SMC1B: variants seen among roughly 807,000 people sequenced by gnomAD.
SMC1B encodes the protein structural maintenance of chromosomes protein 1B.
A neutral mutation model predicts 157.9 loss-of-function variants in SMC1B; 60 were observed. That is an observed-to-expected ratio of 0.38 (90% CI 0.31 to 0.47). SMC1B has a LOEUF of 0.47. Among genes scored for constraint, SMC1B ranks in the 20% least tolerant of loss-of-function variants. SMC1B has a pLI of 0.99. For missense variants in SMC1B, 1,165 were observed against 1,426.2 expected (o/e 0.82, Z 2.95); for synonymous variants, 445 against 483.0 (o/e 0.92, Z 1.03).
chr22:45,398,340 A>G (rs1393971091), intron 6 of SMC1B, among the ~76,000 whole-genome samples: 4 of 152,016 alleles, frequency 2.6e-5, no homozygotes, highest in Non-Finnish European at 5.9e-5. Flanking sequence ...TGGAAACTAA[A>G]CTTGCTCGCT....
Position 45,394,571 on chromosome 22 carries a change from G to A in SMC1B, c.1337+114C>T. On this transcript the variant is annotated intron_variant, in intron 8 of 24. Transcript: ENST00000357450. ...GCGTCATGTGAGCCCCGGAAGTTGA[G>A]GCTACCGTAAGCCATGACTGCGCCA... 3.2e-6 allele frequency: 4 copies of A among 1,231,420 alleles called. No homozygotes were observed. In the South Asian group the frequency reaches 8.6e-5, roughly 27 times the overall value. 76.3% of individuals were successfully genotyped at this position (1,231,420 alleles called of 1,614,324 possible).
chr22:45,404,490 C>A (rs2146850564), intron 4 of SMC1B, among the ~76,000 whole-genome samples: 1 of 152,252 alleles, frequency 6.6e-6, no homozygotes. Flanking sequence ...AGTCCCATAC[C>A]TTTTCAAGTC....
At chr22:45,412,993 T>A (rs1420402128) in intron 1 of SMC1B, among the ~76,000 whole-genome samples, 5 of 150,638 alleles carry the variant, frequency 3.3e-5, no homozygotes, top group African/African-American at 1.2e-4. Flanking sequence ...GAAGCAGGAG[T>A]GAGGGCAGAG....
intron 1 of SMC1B, among the ~76,000 whole-genome samples, chr22:45,413,076 G>A (rs774717932): frequency 6.6e-5 from 10 of 151,726 alleles, no homozygotes; most frequent in Non-Finnish European, 8.8e-5. Flanking sequence ...AGGGTTGGGA[G>A]CCCCTGAGAT....
At position 45,372,190 on chromosome 22, in the gene SMC1B, T is replaced by A. The variant is rs751858356; in HGVS notation, c.2161A>T (p.Met721Leu). The A allele has an allele frequency of 6.2e-6, 10 of 1,611,776 alleles. No individual in the cohort carries two copies. Among genetic ancestry groups the A allele is most frequent in the Non-Finnish European group, 8.5e-6 (10 of 1,179,244 alleles). ...RLKYSQNELE[M>L]IKKKHLVAFY... ...GCAACAAGGTGCTTCTTCTTAATCA[T>A]CTCTAGTTCATTTTGTGAATATTTG... is the stretch of plus-strand genomic sequence containing the variant. The change falls in exon 13 of 25, where the codon ATG (methionine) becomes TTG (leucine). Residue 721 changes from methionine (M) to leucine (L), a missense_variant. Transcript: ENST00000357450.
intron 5 of SMC1B, among the ~76,000 whole-genome samples, chr22:45,401,057 T>C (rs1046436890): frequency 2.0e-5 from 3 of 152,176 alleles, no homozygotes; most frequent in African/African-American, 7.2e-5. Context: ...TTCTGGATCA[T>C]AAAAAGGACA....
At position 45,413,572 on chromosome 22, in the gene SMC1B, C is replaced by A; in HGVS notation, c.-5G>T. 1 of 1,596,372 alleles carries A rather than the reference C, an allele frequency of 6.3e-7. No homozygotes were observed. Among genetic ancestry groups the A allele is most frequent in the Admixed American group, 1.7e-5 (1 of 57,732 alleles). ...CAGCAGCTCCAGGTGGGCCATGGCG[C>A]CGCCCTCCACGCCTCACCCGCGTTA... On this transcript the variant is annotated 5_prime_UTR_variant, in exon 1 of 25. Transcript: ENST00000357450.
intron 19 of SMC1B, among the ~76,000 whole-genome samples, chr22:45,357,058 T>C (rs1019162188): frequency 6.6e-6 from 1 of 152,176 alleles, no homozygotes; most frequent in African/African-American, 2.4e-5. Context: ...TATATGTAGC[T>C]CTCTGCTTAG....
Position 45,349,751 on chromosome 22 carries a change from G to A in SMC1B, c.3472C>T (p.Leu1158=). The change falls in exon 23 of 25, where the codon CTA becomes TTA. Residue 1158 remains leucine (L), a synonymous_variant. Transcript: ENST00000357450. ...ACTTTGCCTATGTTAGTATTGTCTA[G>A]GGCTGCATCCACTTCATCTAAAACA... is the stretch of plus-strand genomic sequence containing the variant. ...FFVLDEVDAA[L]DNTNIGKVSS... 3 of 1,613,164 alleles carry A rather than the reference G, an allele frequency of 1.9e-6. No individual in the cohort carries two copies. Among genetic ancestry groups the A allele is most frequent in the Non-Finnish European group, 2.5e-6 (3 of 1,179,748 alleles).
intron 16 of SMC1B, among the ~76,000 whole-genome samples, chr22:45,362,439 C>T (rs753225691): frequency 7.9e-5 from 12 of 152,212 alleles, no homozygotes; most frequent in Non-Finnish European, 1.5e-4. Context: ...CACTGCTCTT[C>T]ACTGCCTACC....
chr22:45,353,294 A>G (rs1312011367), intron 21 of SMC1B, among the ~76,000 whole-genome samples: 2 of 151,786 alleles, frequency 1.3e-5, no homozygotes, highest in Non-Finnish European at 2.9e-5. Context: ...AAGAAAGAAA[A>G]AAAAAAAGGG....
chr22:45,392,937 G>T (rs1397838129), intron 9 of SMC1B, among the ~76,000 whole-genome samples: 1 of 152,130 alleles, frequency 6.6e-6, no homozygotes, highest in African/African-American at 2.4e-5. Flanking sequence ...CTGACCTCAG[G>T]TGATCCACCA....
chr22:45,359,934 T>G lies in SMC1B; in HGVS notation c.2733A>C (p.Glu911Asp), dbSNP rs147786046. Reference protein sequence around the residue: ...VDREVGKLQKEVVSIQTSLEQ... With the variant: ...VDREVGKLQKDVVSIQTSLEQ... ...CCAGAGAAGTTTGAATACTTACAAC[T>G]TCTTTTTGCAATTTCCCCACTTCCC... The change falls in exon 18 of 25, where the codon GAA (glutamate) becomes GAC (aspartate). Residue 911 changes from glutamate (E) to aspartate (D), a missense_variant. Glu to Asp is a conservative substitution (Grantham distance 45). Coordinates refer to ENST00000357450, the MANE Select transcript of SMC1B (RefSeq NM_148674.5). The G allele has an allele frequency of 7.7e-4, 1,239 of 1,613,200 alleles. 10 individuals carry two copies. The African/African-American group carries it at 0.015, about 19-fold the overall frequency.
intron 21 of SMC1B, 57 bp downstream of exon 21, chr22:45,353,903 AAAAAAAAAAAAAAAAAAC>A: frequency 1.8e-5 from 11 of 613,282 alleles, no homozygotes; most frequent in Admixed American, 4.9e-5. Context: ...CAAAAAAAAA[AAAAAAAAAAAAAAAAAAC>A]AACCACCACC....
At chr22:45,371,657 A>G in intron 13 of SMC1B, 70 bp from the exon 14 acceptor site, 1 of 1,502,298 alleles carries the variant, frequency 6.7e-7, no homozygotes, top group Non-Finnish European at 8.9e-7. Context: ...CAAAAATGTG[A>G]TAGGTATCTT....
chr22:45,406,290 A>C (rs1602099182), intron 4 of SMC1B, among the ~76,000 whole-genome samples, 170 bp downstream of exon 4: 1 of 152,106 alleles, frequency 6.6e-6, no homozygotes, highest in African/African-American at 2.4e-5. Context: ...GGAAAGAAAA[A>C]CCCAAATAGT....
chr22:45,352,323 G>T, intron 22 of SMC1B, 128 bp downstream of exon 22: 1 of 795,406 alleles, frequency 1.3e-6, no homozygotes, highest in Non-Finnish European at 1.8e-6. Context: ...GAATTGTCTG[G>T]CTGAAGAAGA....
At chr22:45,386,249 TA>T (rs889817854) in intron 11 of SMC1B, among the ~76,000 whole-genome samples, 224 of 149,094 alleles carry the variant, frequency 1.5e-3, no homozygotes, top group African/African-American at 3.7e-3. Context: ...AATGTAGTTT[TA>T]AAAAAAAAAC....
chr22:45,408,781 G>T lies in SMC1B; in HGVS notation c.227C>A (p.Ser76Tyr). 1 of 1,594,072 alleles carries T rather than the reference G, an allele frequency of 6.3e-7. No homozygotes were observed. Among genetic ancestry groups the T allele is most frequent in the Non-Finnish European group, 8.5e-7 (1 of 1,172,916 alleles). The change falls in exon 2 of 25, where the codon TCT (serine) becomes TAT (tyrosine). Residue 76 changes from serine to tyrosine, a missense_variant. Physicochemically the swap from Ser to Tyr is moderately radical, Grantham distance 144. Coordinates refer to ENST00000357450, the MANE Select transcript of SMC1B (RefSeq NM_148674.5). The part of the protein sequence containing the change: ...HGAHIGKPIS[S>Y]SASVKIIYVE... ...ATATATAATTTTTACACTTGCAGAA[G>T]AAGAAATAGGTTTTCCAATATGTGC...
Sources: gnomAD v4.1 joint callset for allele counts (sites outside exome capture counted in the v4.1 genomes callset) on GRCh38, gnomAD v4.1.1 for gene constraint, MANE v1.5 for transcripts, NCBI Gene and HGNC (gene_info 2026-07-23, HGNC 2026-07-21) for gene names.